Variants in MTMR7 observed in about 807,000 individuals in gnomAD.
MTMR7 encodes the protein phosphatidylinositol-3-phosphate phosphatase MTMR7.
In MTMR7, 76 loss-of-function variants were observed where a neutral mutation model predicts 81.2. That is an observed-to-expected ratio of 0.94 (90% CI 0.78 to 1.13). MTMR7 has a LOEUF of 1.13. Ranked by LOEUF, MTMR7 falls within the 50% of genes most tolerant of loss-of-function variation. The pLI is 0.00. For synonymous variants in MTMR7, 372 were observed against 289.8 expected, an observed-to-expected ratio of 1.28 and a Z score of -2.88; for missense variants, 1,044 against 820.0, an observed-to-expected ratio of 1.27 and a Z score of -3.34.
At chr8:17,408,395 C>CAAAAAA (rs530240881) in intron 1 of MTMR7, among the ~76,000 whole-genome samples, 1,113 of 23,474 alleles carry the variant, frequency 0.047, 203 homozygotes, top group Non-Finnish European at 0.098. Context: ...GACTCCGTCT[C>CAAAAAA]AAAAAAAAAA....
At chr8:17,348,392 A>C (rs1015049132) in intron 5 of MTMR7, among the ~76,000 whole-genome samples, 4 of 147,846 alleles carry the variant, frequency 2.7e-5, no homozygotes, top group East Asian at 2.3e-4. Flanking sequence ...ACAAAAAAAA[A>C]ACCCAAAATT....
At chr8:17,319,477 C>T (rs1383845465) in intron 7 of MTMR7, among the ~76,000 whole-genome samples, 2 of 152,198 alleles carry the variant, frequency 1.3e-5, no homozygotes. Flanking sequence ...AGCAGAAAGA[C>T]ATCTCAAATG....
At chr8:17,345,993 G>A (rs1819540615) in intron 5 of MTMR7, 1 of 152,200 alleles carries the variant, frequency 6.6e-6, no homozygotes, top group African/African-American at 2.4e-5. Context: ...AGACAGATCA[G>A]CAAATTTATG....
chr8:17,323,561 A>G (rs1051947183), intron 7 of MTMR7, among the ~76,000 whole-genome samples: 12 of 152,102 alleles, frequency 7.9e-5, no homozygotes, highest in African/African-American at 2.9e-4. Flanking sequence ...GGCACTAGAG[A>G]GGAGGCCAGG....
intron 3 of MTMR7, among the ~76,000 whole-genome samples, chr8:17,369,174 A>G (rs1820329448): frequency 1.3e-5 from 2 of 152,320 alleles, no homozygotes; most frequent in Middle Eastern, 6.8e-3. Context: ...TTCTCCTCAC[A>G]TTATCTGCTG....
chr8:17,364,703 T>C (rs190245416), intron 3 of MTMR7, among the ~76,000 whole-genome samples: 37 of 152,352 alleles, frequency 2.4e-4, no homozygotes, highest in Non-Finnish European at 4.4e-4. Context: ...TCACTCAGCA[T>C]AATGCTCTCT....
At position 17,299,770 on chromosome 8, in the gene MTMR7, C is replaced by T. The variant is rs949154140; in HGVS notation, c.*92G>A. On this transcript the variant is annotated 3_prime_UTR_variant, in exon 14 of 14. Transcript: ENST00000180173. ...TTAAAGTAGTTCTCAATGACATGCA[C>T]CATTTCCTGTTTTTACAATAAACCA... The T allele has an allele frequency of 7.8e-6, 12 of 1,528,906 alleles. No homozygotes were observed. Among genetic ancestry groups the T allele is most frequent in the African/African-American group, 2.8e-5 (2 of 72,288 alleles). The allele number at this position is 1,528,906 out of a possible 1,614,324, so 94.7% of individuals were successfully genotyped here. A position where few individuals can be genotyped will look rare whatever the true frequency, so the allele number is the denominator to read the frequency against.
At chr8:17,413,078 G>A (rs1821779883) in intron 1 of MTMR7, among the ~76,000 whole-genome samples, 191 bp downstream of exon 1, 1 of 152,222 alleles carries the variant, frequency 6.6e-6, no homozygotes, top group Non-Finnish European at 1.5e-5. Context: ...GGCTAGGCCT[G>A]GGAGGCAGCA....
chr8:17,410,090 G>C (rs1018992410), intron 1 of MTMR7, among the ~76,000 whole-genome samples: 4 of 151,966 alleles, frequency 2.6e-5, no homozygotes, highest in Non-Finnish European at 4.4e-5. Flanking sequence ...ATCAATTTGA[G>C]ACATAAAAGC....
intron 1 of MTMR7, among the ~76,000 whole-genome samples, chr8:17,401,748 G>T (rs1468721107): frequency 6.6e-6 from 1 of 152,180 alleles, no homozygotes; most frequent in Non-Finnish European, 1.5e-5. Context: ...TCCAGCACTG[G>T]AAGGGTGAAA....
intron 4 of MTMR7, among the ~76,000 whole-genome samples, chr8:17,351,214 T>C (rs1819719528): frequency 6.6e-6 from 1 of 152,236 alleles, no homozygotes; most frequent in Non-Finnish European, 1.5e-5. Flanking sequence ...GTAACAACAC[T>C]AAGGAACTGC....
chr8:17,306,599 A>T (rs1254315058), intron 10 of MTMR7, among the ~76,000 whole-genome samples: 4 of 152,114 alleles, frequency 2.6e-5, no homozygotes, highest in African/African-American at 9.7e-5. Context: ...AGCCCTTTAC[A>T]CTACTGTGTG....
intron 1 of MTMR7, among the ~76,000 whole-genome samples, chr8:17,382,684 T>A (rs1021473929): frequency 4.6e-5 from 7 of 152,166 alleles, no homozygotes; most frequent in African/African-American, 1.7e-4. Flanking sequence ...AGAAAGTGCC[T>A]GAGTGATAAG....
chr8:17,310,798 T>C (rs1405358957), intron 9 of MTMR7, among the ~76,000 whole-genome samples: 1 of 152,208 alleles, frequency 6.6e-6, no homozygotes, highest in Non-Finnish European at 1.5e-5. Flanking sequence ...GCATCTTGTG[T>C]AGCACGGATT....
chr8:17,302,504 G>C, intron 12 of MTMR7: 1 of 459,518 alleles, frequency 2.2e-6, no homozygotes, highest in Non-Finnish European at 3.8e-6. Flanking sequence ...AAGTCTGCCT[G>C]TATATATGAA....
At chr8:17,339,585 C>G (rs1046306453) in intron 6 of MTMR7, among the ~76,000 whole-genome samples, 56 of 152,322 alleles carry the variant, frequency 3.7e-4, no homozygotes, top group African/African-American at 1.3e-3. Context: ...ATCCATAGTC[C>G]ATTCCTTTTT....
intron 3 of MTMR7, among the ~76,000 whole-genome samples, chr8:17,362,155 GTTAAA>G (rs751956571): frequency 3.3e-5 from 5 of 152,082 alleles, no homozygotes; most frequent in Non-Finnish European, 5.9e-5. Context: ...TTAAAAAAAA[GTTAAA>G]TTAATTTAAC....
chr8:17,412,638 G>A (rs556915172), intron 1 of MTMR7, among the ~76,000 whole-genome samples: 6 of 152,254 alleles, frequency 3.9e-5, no homozygotes, highest in Non-Finnish European at 5.9e-5. Context: ...AGTGCGTGAC[G>A]AATCCGTAAG....
At chr8:17,376,790 C>G (rs1315054238) in intron 1 of MTMR7, among the ~76,000 whole-genome samples, 1 of 152,006 alleles carries the variant, frequency 6.6e-6, no homozygotes, top group Non-Finnish European at 1.5e-5. Flanking sequence ...GTGACCTAAT[C>G]CTAGTTTACT....
Sources: allele counts gnomAD v4.1 joint callset (sites outside exome capture counted in the v4.1 genomes callset), GRCh38; gene constraint gnomAD v4.1.1; transcripts MANE v1.5; gene names NCBI Gene and HGNC (gene_info 2026-07-23, HGNC 2026-07-21).